The following SLC15A1 variants were observed in gnomAD, a reference collection of about 807,000 sequenced individuals.
SLC15A1 encodes the protein Caco-2 oligopeptide transporter.
SLC15A1 carries 83 observed loss-of-function variants against 92.9 expected under a neutral mutation model. The ratio of observed to expected loss-of-function variants is 0.89; its 90% CI spans 0.75 to 1.07. SLC15A1 has a LOEUF of 1.07. Among genes scored for constraint, SLC15A1 ranks in the 50% least tolerant of loss-of-function variants. SLC15A1 has a pLI of 0.00. For synonymous variants in SLC15A1, 322 were observed against 318.2 expected (o/e 1.01, Z -0.13); for missense variants, 857 against 880.1 (o/e 0.97, Z 0.33).
intron 4 of SLC15A1, among the ~76,000 whole-genome samples, chr13:98,725,227 C>T (rs774291416): frequency 6.6e-6 from 1 of 152,170 alleles, no homozygotes; most frequent in African/African-American, 2.4e-5. Flanking sequence ...CCAAATATAC[C>T]TTTTTCCTTT....
rs189575721 is a variant in SLC15A1 at position 98,746,373 on chromosome 13, T to C, written c.4+6222A>G. Reference sequence around the variant, plus strand: ...TTATGGTAGAATGATTTATATTTTTTTGGGTATATACCCCGTAATGGGACT... The same window carrying C: ...TTATGGTAGAATGATTTATATTTTTCTGGGTATATACCCCGTAATGGGACT... On this transcript the variant is annotated intron_variant, in intron 1 of 22. Transcript: ENST00000376503. Among the ~76,000 whole-genome samples, 46 of 152,348 alleles carry C rather than the reference T, an allele frequency of 3.0e-4. 1 individual carries two copies. Among genetic ancestry groups the C allele is most frequent in the African/African-American group, 1.1e-3 (44 of 41,576 alleles).
rs1166253356 is a variant in SLC15A1, at chr13:98,698,782, A to G, written c.1466+3698T>C. Among the ~76,000 whole-genome samples, 3 of 152,224 alleles carry G rather than the reference A, an allele frequency of 2.0e-5. No individual in the cohort carries two copies. The South Asian group carries it at 6.2e-4, about 32-fold the overall frequency. ...CATTGTCCCAAAATATACTTAATAT[A>G]TTTTTTGTATACTTTTGTATATTAA... On this transcript the variant is annotated intron_variant, in intron 18 of 22. Coordinates refer to ENST00000376503, the MANE Select transcript of SLC15A1 (RefSeq NM_005073.4).
intron 8 of SLC15A1, among the ~76,000 whole-genome samples, chr13:98,718,096 G>A (rs1465450113): frequency 2.6e-5 from 4 of 152,016 alleles, no homozygotes; most frequent in Non-Finnish European, 4.4e-5. Context: ...TGCGGTTTTT[G>A]CCATTACTTT....
chr13:98,730,416 C>T (rs1483111345), intron 1 of SLC15A1, among the ~76,000 whole-genome samples: 1 of 152,180 alleles, frequency 6.6e-6, no homozygotes. Context: ...GACAGAGATT[C>T]CTCCGCACGA....
intron 18 of SLC15A1, among the ~76,000 whole-genome samples, chr13:98,698,268 G>T (rs2088039523): frequency 1.3e-5 from 2 of 152,120 alleles, no homozygotes; most frequent in Non-Finnish European, 2.9e-5. Context: ...TATTTATAGG[G>T]TCATATTGTA....
chr13:98,734,228 G>A (rs2088372352), intron 1 of SLC15A1, among the ~76,000 whole-genome samples: 1 of 152,148 alleles, frequency 6.6e-6, no homozygotes. Context: ...ACTTCCCAAA[G>A]TGCTGGGATT....
At chr13:98,710,808 CAAAAAAAAAAA>C (rs4646225) in intron 11 of SLC15A1, among the ~76,000 whole-genome samples, 13 of 71,666 alleles carry the variant, frequency 1.8e-4, no homozygotes, top group African/African-American at 6.7e-4. Flanking sequence ...ACTCTTGACT[CAAAAAAAAAAA>C]AAAAAAAAAA....
In SLC15A1 at chr13:98,684,833, A is replaced by T. The variant is rs2087917930; in HGVS notation, c.2018T>A (p.Ile673Asn). 1 of 1,614,128 alleles carries T rather than the reference A, an allele frequency of 6.2e-7. No individual in the cohort carries two copies. The highest frequency in any genetic ancestry group is 8.5e-7 in the Non-Finnish European group (1 of 1,180,010). Residue 673 changes from isoleucine to asparagine, a missense_variant, in exon 23 of 23, where the codon ATC becomes AAC. Transcript: ENST00000376503. ...TTGAGCTTCGATCTCCGCTGGGTTG[A>T]TGTAAGTATAGAACCGAGCCATGAT... ...FAIMARFYTY[I>N]NPAEIEAQFD...
In SLC15A1 at chr13:98,715,891, G is replaced by A. The variant is rs745660919; in HGVS notation, c.710C>T (p.Ala237Val). 1.5e-5 allele frequency: 25 copies of A among 1,614,032 alleles called. No individual in the cohort carries two copies. Among genetic ancestry groups the A allele is most frequent in the Non-Finnish European group, 2.1e-5 (25 of 1,179,950 alleles). ...TGAGATACTTACACCGATGCACTTGGCCACTTTACCCATGATGTTGCCCTG... is the reference window on the plus strand; with the variant it reads ...TGAGATACTTACACCGATGCACTTGACCACTTTACCCATGATGTTGCCCTG... Reference protein sequence around the residue: ...KPQGNIMGKVAKCIGFAIKNR... With the variant: ...KPQGNIMGKVVKCIGFAIKNR... The change falls in exon 9 of 23, where the codon GCC (alanine) becomes GTC (valine). Residue 237 changes from alanine (A) to valine (V), a missense_variant. Transcript: ENST00000376503.
chr13:98,706,221 T>G lies in SLC15A1; in HGVS notation c.1182A>C (p.Glu394Asp). ...KTLPVFPKGN[E>D]VQIKVLNIGN... ...CTATATTCAAAACTTTAATTTGGAC[T>G]TCGTTTCCTTTGGGGAAGACTGGAA... The change falls in exon 16 of 23, where the codon GAA becomes GAC. Residue 394 changes from glutamate (E) to aspartate (D), a missense_variant. Coordinates refer to ENST00000376503, the MANE Select transcript of SLC15A1 (RefSeq NM_005073.4). The G allele has an allele frequency of 6.2e-7, 1 of 1,613,604 alleles. No homozygotes were observed. Among genetic ancestry groups the G allele is most frequent in the Non-Finnish European group, 8.5e-7 (1 of 1,179,820 alleles).
At chr13:98,734,988 C>T (rs1451049156) in intron 1 of SLC15A1, among the ~76,000 whole-genome samples, 1 of 152,194 alleles carries the variant, frequency 6.6e-6, no homozygotes, top group Non-Finnish European at 1.5e-5. Context: ...TTTTATGAGG[C>T]CAGCATCATC....
chr13:98,720,843 G>C, intron 7 of SLC15A1: 1 of 317,214 alleles, frequency 3.2e-6, no homozygotes, highest in Non-Finnish European at 6.2e-6. Context: ...GAGGGCAGGA[G>C]ATCGAGACCA....
chr13:98,686,347 CAGG>C (rs2087929455), intron 21 of SLC15A1, 50 bp from the exon 22 acceptor site: 2 of 1,268,178 alleles, frequency 1.6e-6, no homozygotes, highest in Non-Finnish European at 2.3e-6. Context: ...ACCCTCCGAG[CAGG>C]AGAACACAGC....
chr13:98,704,255 G>GCTCA (rs1460956426), intron 17 of SLC15A1, 34 bp downstream of exon 17: 2 of 1,532,776 alleles, frequency 1.3e-6, no homozygotes, highest in Non-Finnish European at 1.7e-6. Context: ...ATCACAAATA[G>GCTCA]CAAAGAGTCA....
rs2088111377 is a variant in SLC15A1, at chr13:98,706,170, A to C, written c.1233T>G (p.Leu411=). The C allele has an allele frequency of 6.2e-7, 1 of 1,612,944 alleles. No homozygotes were observed. The highest frequency in any genetic ancestry group is 8.5e-7 in the Non-Finnish European group (1 of 1,179,474). Residue 411 remains leucine, a synonymous_variant, in exon 16 of 23, where the codon CTT becomes CTG. Transcript: ENST00000376503. ...GGCCAAGTGTCACCATCTCTCCAGG[A>C]AGAGATATATTCATGGTATTGTTTC... ...NIGNNTMNIS[L]PGEMVTLGPM...
chr13:98,713,632 G>A (rs2088185450), intron 9 of SLC15A1, among the ~76,000 whole-genome samples: 1 of 152,130 alleles, frequency 6.6e-6, no homozygotes, highest in Admixed American at 6.5e-5. Context: ...AAAATTAGGG[G>A]CCACTAAGAT....
At chr13:98,696,419 AAAC>A (rs1555322142) in intron 18 of SLC15A1, among the ~76,000 whole-genome samples, 1 of 151,456 alleles carries the variant, frequency 6.6e-6, no homozygotes, top group Non-Finnish European at 1.5e-5. Flanking sequence ...TCTCAAAACA[AAAC>A]AACAACAACA....
chr13:98,729,038 T>C (rs1195410113), intron 1 of SLC15A1, among the ~76,000 whole-genome samples: 1 of 55,330 alleles, frequency 1.8e-5, no homozygotes, highest in African/African-American at 7.0e-5. Context: ...ACAAACAGAA[T>C]AGATAGCAGA....
At chr13:98,733,636 T>C (rs2088367038) in intron 1 of SLC15A1, among the ~76,000 whole-genome samples, 1 of 152,202 alleles carries the variant, frequency 6.6e-6, no homozygotes, top group South Asian at 2.1e-4. Context: ...AAGTGGTTTT[T>C]CAGTTAAGGA....
Sources: gnomAD v4.1 joint callset for allele counts (sites outside exome capture counted in the v4.1 genomes callset) on GRCh38, gnomAD v4.1.1 for gene constraint, MANE v1.5 for transcripts, NCBI Gene and HGNC (gene_info 2026-07-23, HGNC 2026-07-21) for gene names.